Variants in ADCK1 observed in about 807,000 individuals in gnomAD.
ADCK1 encodes the protein aarF domain containing kinase 1.
Under a neutral mutation model 52.3 loss-of-function variants are expected in ADCK1, and 41 were observed. The observed-to-expected ratio is 0.78, with a 90% CI of 0.61 to 1.02. The LOEUF (loss-of-function observed/expected upper bound fraction) is 1.02. Among genes scored for constraint, ADCK1 ranks in the 50% least tolerant of loss-of-function variants. The pLI, the probability that ADCK1 is intolerant of heterozygous loss-of-function variation, is 0.00. For synonymous variants in ADCK1, 250 were observed against 274.6 expected (o/e 0.91, Z 0.89); for missense variants, 658 against 679.5 (o/e 0.97, Z 0.35).
At chr14:77,902,278 T>G (rs2140245455) in intron 6 of ADCK1, 1 of 152,298 alleles carries the variant, frequency 6.6e-6, no homozygotes, top group South Asian at 2.1e-4. Context: ...CCCATGAAGT[T>G]TAGCTCTTTG....
At chr14:77,877,637 T>A (rs2082929443) in intron 4 of ADCK1, among the ~76,000 whole-genome samples, 1 of 152,192 alleles carries the variant, frequency 6.6e-6, no homozygotes, top group South Asian at 2.1e-4. Context: ...CTGTGTCTCA[T>A]TCTCCTTATT....
intron 3 of ADCK1, among the ~76,000 whole-genome samples, chr14:77,857,025 C>A (rs1051495402): frequency 2.7e-5 from 4 of 150,908 alleles, no homozygotes; most frequent in Admixed American, 2.6e-4. Context: ...AGTGGACAGG[C>A]CCCTGCAGGC....
At chr14:77,882,770 T>A (rs1392602885) in intron 4 of ADCK1, among the ~76,000 whole-genome samples, 1 of 152,174 alleles carries the variant, frequency 6.6e-6, no homozygotes, top group Non-Finnish European at 1.5e-5. Flanking sequence ...GGAAACATTG[T>A]CCAGTACCCT....
rs183530912 is a variant in ADCK1, at chr14:77,803,869, A to G, written c.-12+3699A>G. On this transcript the variant is annotated intron_variant, in intron 1 of 10. Transcript: ENST00000238561. Reference sequence around the variant, plus strand: ...GTTCCTATCAAAGACGTTACCTGTCATAAAGAGAAGGGCTGAATACTTGGA... The same window carrying G: ...GTTCCTATCAAAGACGTTACCTGTCGTAAAGAGAAGGGCTGAATACTTGGA... 1.8e-3 allele frequency among the ~76,000 whole-genome samples: 269 copies of G among 152,336 alleles called. 1 individual carries two copies. Among genetic ancestry groups the G allele is most frequent in the Non-Finnish European group, 2.3e-3 (154 of 68,030 alleles).
intron 9 of ADCK1, 124 bp from the exon 10 acceptor site, chr14:77,931,394 G>C: frequency 1.0e-6 from 1 of 955,156 alleles, no homozygotes; most frequent in Non-Finnish European, 1.5e-6. Flanking sequence ...CAAGACAGCG[G>C]TGCCTGAAGC....
At chr14:77,932,122 C>A (rs1257541923) in intron 10 of ADCK1, among the ~76,000 whole-genome samples, 3 of 148,916 alleles carry the variant, frequency 2.0e-5, no homozygotes, top group Admixed American at 1.3e-4. Context: ...GATCTCGGCT[C>A]ACTGCAACCT....
In ADCK1 at chr14:77,816,881, A is replaced by AAAATATATATATATATATAT. The variant is rs150077207; in HGVS notation, c.-11-2086_-11-2085insAATATATATATATATATATA. ...CACCATCTCCAGGTAGTAGATGGTA[A>AAAATATATATATATATATAT]ATATATATATATATATATATATTTA... On this transcript the variant is annotated intron_variant, in intron 1 of 10. Transcript: ENST00000238561. Among the ~76,000 whole-genome samples, 10 of 110,026 alleles carry AAAATATATATATATATATAT rather than the reference A, an allele frequency of 9.1e-5. 1 individual carries two copies. Among genetic ancestry groups the AAAATATATATATATATATAT allele is most frequent in the African/African-American group, 2.9e-4 (10 of 34,636 alleles). 72.2% of individuals were successfully genotyped at this position (110,026 alleles called of 152,430 possible).
chr14:77,895,905 A>G (rs2083399607), intron 5 of ADCK1, among the ~76,000 whole-genome samples: 1 of 152,158 alleles, frequency 6.6e-6, no homozygotes, highest in South Asian at 2.1e-4. Flanking sequence ...GGATGGTGAC[A>G]TTCCATAAAT....
intron 3 of ADCK1, among the ~76,000 whole-genome samples, chr14:77,853,441 G>A (rs2082354856): frequency 6.6e-6 from 1 of 152,032 alleles, no homozygotes; most frequent in East Asian, 1.9e-4. Context: ...TTTTTAGGGT[G>A]GTAGATATTT....
chr14:77,810,028 A>T, intron 1 of ADCK1, among the ~76,000 whole-genome samples: 1 of 105,028 alleles, frequency 9.5e-6, no homozygotes, highest in Admixed American at 1.2e-4. Flanking sequence ...ACAGAGTGAG[A>T]CTCTGTCTCA....
chr14:77,867,417 G>T (rs2082684818), intron 4 of ADCK1, among the ~76,000 whole-genome samples: 1 of 152,130 alleles, frequency 6.6e-6, no homozygotes, highest in Non-Finnish European at 1.5e-5. Context: ...TGCCTTCCCA[G>T]CAGCTCTCAA....
At chr14:77,801,931 A>G (rs1344765584) in intron 1 of ADCK1, among the ~76,000 whole-genome samples, 3 of 151,264 alleles carry the variant, frequency 2.0e-5, no homozygotes, top group Non-Finnish European at 2.9e-5. Flanking sequence ...ACTGAGCAAG[A>G]CTCCGTCTAA....
intron 1 of ADCK1, among the ~76,000 whole-genome samples, chr14:77,813,455 C>T (rs1339194608): frequency 6.6e-6 from 1 of 152,090 alleles, no homozygotes; most frequent in Non-Finnish European, 1.5e-5. Context: ...GGACTATAGG[C>T]GTGCATCACT....
chr14:77,820,639 CGTGTGTGTGTGTGT>C (rs10549011), intron 2 of ADCK1, among the ~76,000 whole-genome samples: 25 of 148,822 alleles, frequency 1.7e-4, no homozygotes, highest in Admixed American at 2.7e-4. Flanking sequence ...GCCAATTTTA[CGTGTGTGTGTGTGT>C]GTGTGTGTGT....
chr14:77,804,317 G>A (rs1296312246), intron 1 of ADCK1, among the ~76,000 whole-genome samples: 1 of 152,194 alleles, frequency 6.6e-6, no homozygotes. Flanking sequence ...CCCGAGGGAA[G>A]CAACTCATTT....
intron 3 of ADCK1, among the ~76,000 whole-genome samples, chr14:77,836,897 C>G (rs1255492596): frequency 6.6e-6 from 1 of 151,620 alleles, no homozygotes; most frequent in African/African-American, 2.4e-5. Context: ...CCTCAGCCTC[C>G]CGAGTAGCTG....
At chr14:77,861,273 C>T (rs1055671631) in intron 4 of ADCK1, among the ~76,000 whole-genome samples, 6 of 152,180 alleles carry the variant, frequency 3.9e-5, no homozygotes, top group Non-Finnish European at 8.8e-5. Flanking sequence ...GCCCCACAGG[C>T]ACACACTCTG....
chr14:77,802,580 T>C (rs1394665256), intron 1 of ADCK1, among the ~76,000 whole-genome samples: 1 of 151,262 alleles, frequency 6.6e-6, no homozygotes, highest in Non-Finnish European at 1.5e-5. Flanking sequence ...CCTCCCGGGA[T>C]TCCTTTATTT....
In ADCK1 at chr14:77,933,730, A is replaced by G. The variant is rs1412744531; in HGVS notation, c.*339A>G. On this transcript the variant is annotated 3_prime_UTR_variant, in exon 11 of 11. Transcript: ENST00000238561. ...GTGCCACGGGTGCCACTGGGGGCAC[A>G]CTGAACTTGTAGGGAGTGTGATTTT... The G allele has an allele frequency of 3.9e-6, 1 of 254,158 alleles. No individual in the cohort carries two copies. Among genetic ancestry groups the G allele is most frequent in the African/African-American group, 2.2e-5 (1 of 46,326 alleles). 15.7% of individuals were successfully genotyped at this position (254,158 alleles called of 1,614,324 possible). A position where few individuals can be genotyped will look rare whatever the true frequency, so the allele number is the denominator to read the frequency against.
Sources: gnomAD v4.1 joint callset for allele counts (sites outside exome capture counted in the v4.1 genomes callset) on GRCh38, gnomAD v4.1.1 for gene constraint, MANE v1.5 for transcripts, NCBI Gene and HGNC (gene_info 2026-07-23, HGNC 2026-07-21) for gene names.